Variants in RBFOX1 observed in about 807,000 individuals in gnomAD.
The protein encoded by RBFOX1 is RNA binding fox-1 homolog 1, also known as RNA binding protein fox-1 homolog 1.
A neutral mutation model predicts 57.7 loss-of-function variants in RBFOX1; 8 were observed. The observed-to-expected ratio is 0.14, with a 90% confidence interval of 0.08 to 0.25. RBFOX1 has a LOEUF of 0.25. Among genes scored for constraint, RBFOX1 ranks in the 10% least tolerant of loss-of-function variants. RBFOX1 has a pLI of 1.00. For synonymous variants in RBFOX1, 326 were observed against 222.4 expected (o/e 1.47, Z -4.15); for missense variants, 611 against 548.5 (o/e 1.11, Z -1.14).
At chr16:6,992,451 C>G (rs1235304644) in intron 3 of RBFOX1, among the ~76,000 whole-genome samples, 11 of 152,102 alleles carry the variant, frequency 7.2e-5, no homozygotes, top group African/African-American at 2.7e-4. Flanking sequence ...CTCTTGATCT[C>G]ACGTGATCTG....
At chr16:5,718,957 C>T (rs1359408781) in intron 3 of RBFOX1, among the ~76,000 whole-genome samples, 1 of 142,080 alleles carries the variant, frequency 7.0e-6, no homozygotes, top group Non-Finnish European at 1.6e-5. Context: ...GGCCTTACTG[C>T]CTCCATGTGT....
At chr16:6,253,043 C>T (rs571926550) in intron 1 of RBFOX1, among the ~76,000 whole-genome samples, 6 of 152,106 alleles carry the variant, frequency 3.9e-5, no homozygotes, top group African/African-American at 7.2e-5. Flanking sequence ...TGCTGAATCT[C>T]TGATTGTTGA....
rs2075702568 is a variant in RBFOX1, at chr16:6,755,833, T to C, written c.-16+101183T>C. On this transcript the variant is annotated intron_variant, in intron 3 of 15. Coordinates refer to ENST00000550418, the MANE Select transcript of RBFOX1 (RefSeq NM_018723.4). ...TGGAGCGATTATACTTAAAGTAATA[T>C]GGATTCTTTCAGAGCTGCCAAAAGG... Among the ~76,000 whole-genome samples the C allele has an allele frequency of 2.0e-5, 3 of 152,324 alleles. No homozygotes were observed. In the South Asian group the frequency reaches 6.2e-4, roughly 32 times the overall value.
At chr16:6,356,906 G>T (rs183990813) in intron 2 of RBFOX1, among the ~76,000 whole-genome samples, 1 of 152,124 alleles carries the variant, frequency 6.6e-6, no homozygotes. Flanking sequence ...AAATCCAAAA[G>T]CGTTCTAAAA....
chr16:5,241,309 A>G (rs1399267521), intron 1 of RBFOX1, among the ~76,000 whole-genome samples: 3 of 152,148 alleles, frequency 2.0e-5, no homozygotes, highest in Admixed American at 1.3e-4. Context: ...ATTCTGGGAG[A>G]AGGAGGACAG....
intron 2 of RBFOX1, among the ~76,000 whole-genome samples, chr16:6,425,712 C>A (rs2093906058): frequency 6.6e-6 from 1 of 151,772 alleles, no homozygotes; most frequent in Admixed American, 6.6e-5. Context: ...GGATCTAATT[C>A]ATACACACAC....
intron 5 of RBFOX1, among the ~76,000 whole-genome samples, chr16:7,554,748 T>C (rs2087777398): frequency 6.6e-6 from 1 of 152,186 alleles, no homozygotes; most frequent in South Asian, 2.1e-4. Context: ...GCACTCTTTT[T>C]TTCTTCTTCT....
chr16:6,625,140 C>T (rs112252907), intron 2 of RBFOX1, among the ~76,000 whole-genome samples: 5,902 of 126,960 alleles, frequency 0.046, 158 homozygotes, highest in Non-Finnish European at 0.047. Flanking sequence ...ACTCCATCCT[C>T]GGCCACCAAC....
chr16:6,704,901 C>G (rs2062456790), intron 3 of RBFOX1: 1 of 152,084 alleles, frequency 6.6e-6, no homozygotes, highest in Non-Finnish European at 1.5e-5. Flanking sequence ...TTAGCTGTTT[C>G]TGGATTTCAA....
chr16:6,474,070 C>G (rs1183770757), intron 2 of RBFOX1, among the ~76,000 whole-genome samples: 1 of 152,072 alleles, frequency 6.6e-6, no homozygotes, highest in Non-Finnish European at 1.5e-5. Flanking sequence ...TTACTGCAAA[C>G]TGTGGGTCAG....
At chr16:7,443,821 A>G (rs1026098302) in intron 4 of RBFOX1, among the ~76,000 whole-genome samples, 1 of 152,148 alleles carries the variant, frequency 6.6e-6, no homozygotes, top group Non-Finnish European at 1.5e-5. Flanking sequence ...CAGACAGATG[A>G]ACTATTTTAA....
chr16:6,950,145 A>G (rs2080408540), intron 3 of RBFOX1, among the ~76,000 whole-genome samples: 1 of 133,150 alleles, frequency 7.5e-6, no homozygotes, highest in Admixed American at 7.9e-5. Context: ...TTAAGTAGCC[A>G]TGGGGTTTCA....
chr16:5,532,696 C>G (rs1356285118), intron 2 of RBFOX1, among the ~76,000 whole-genome samples: 1 of 152,224 alleles, frequency 6.6e-6, no homozygotes, highest in Non-Finnish European at 1.5e-5. Context: ...AGCTTGCTGG[C>G]TCATACCCAG....
At chr16:7,091,687 C>T (rs972108414) in intron 4 of RBFOX1, among the ~76,000 whole-genome samples, 2 of 152,314 alleles carry the variant, frequency 1.3e-5, no homozygotes, top group East Asian at 1.9e-4. Flanking sequence ...CTGCCTGTGG[C>T]TTATCTCTGC....
chr16:6,000,671 G>A (rs1207370711), intron 4 of RBFOX1, among the ~76,000 whole-genome samples: 1 of 151,926 alleles, frequency 6.6e-6, no homozygotes, highest in Admixed American at 6.6e-5. Context: ...ATGGGTAGAT[G>A]AATGGGTGAC....
intron 3 of RBFOX1, among the ~76,000 whole-genome samples, chr16:6,799,683 T>C (rs113059119): frequency 1.3e-5 from 2 of 152,256 alleles, no homozygotes; most frequent in African/African-American, 4.8e-5. Context: ...TGGGATGAGC[T>C]AGTTTGCTGA....
At chr16:5,469,733 G>C (rs74004323) in intron 2 of RBFOX1, among the ~76,000 whole-genome samples, 9,911 of 152,120 alleles carry the variant, frequency 0.065, 921 homozygotes, top group African/African-American at 0.2. Flanking sequence ...ACCTCTTTTG[G>C]ATATTTTATA....
intron 4 of RBFOX1, among the ~76,000 whole-genome samples, chr16:7,324,773 A>G (rs1603621558): frequency 6.6e-6 from 1 of 152,170 alleles, no homozygotes; most frequent in Non-Finnish European, 1.5e-5. Flanking sequence ...GCATCTCCAT[A>G]ACCATTTTTA....
chr16:5,515,154 C>T (rs72761061), intron 2 of RBFOX1, among the ~76,000 whole-genome samples: 3,815 of 152,314 alleles, frequency 0.025, 71 homozygotes, highest in South Asian at 0.057. Context: ...CAAACACCTC[C>T]CACTTCAATA....
Sources: gnomAD v4.1 joint callset for allele counts (sites outside exome capture counted in the v4.1 genomes callset) on GRCh38, gnomAD v4.1.1 for gene constraint, MANE v1.5 for transcripts, NCBI Gene and HGNC (gene_info 2026-07-23, HGNC 2026-07-21) for gene names.